The following FBXO9 variants were observed in gnomAD, a reference collection of about 807,000 sequenced individuals.
The protein encoded by FBXO9 is F-box protein 9.
A neutral mutation model predicts 63.7 loss-of-function variants in FBXO9; 43 were observed. The observed-to-expected ratio is 0.67, with a 90% CI of 0.53 to 0.87. FBXO9 has a LOEUF of 0.87. Ranked by LOEUF, FBXO9 falls within the 40% of genes least tolerant of loss-of-function variation. FBXO9 has a pLI of 0.00. For synonymous variants in FBXO9, 156 were observed against 171.7 expected (o/e 0.91, Z 0.72); for missense variants, 442 against 533.2 (o/e 0.83, Z 1.68).
intron 4 of FBXO9, among the ~76,000 whole-genome samples, chr6:53,076,745 A>G (rs943902853): frequency 6.6e-6 from 1 of 151,914 alleles, no homozygotes; most frequent in African/African-American, 2.4e-5. Flanking sequence ...ATGGTGTAAT[A>G]TTTACATATA....
At chr6:53,069,202 A>G (rs1267607249) in intron 1 of FBXO9, among the ~76,000 whole-genome samples, 1 of 152,222 alleles carries the variant, frequency 6.6e-6, no homozygotes, top group Non-Finnish European at 1.5e-5. Flanking sequence ...CCACCTAACA[A>G]TACATTTTAA....
At chr6:53,088,797 A>C (rs1250355883) in intron 7 of FBXO9, among the ~76,000 whole-genome samples, 9 of 151,834 alleles carry the variant, frequency 5.9e-5, no homozygotes, top group Non-Finnish European at 1.2e-4. Context: ...ACGGGGTTTC[A>C]CCATTTTGGC....
chr6:53,095,016 C>T (rs576006601), intron 11 of FBXO9, among the ~76,000 whole-genome samples: 1 of 152,248 alleles, frequency 6.6e-6, no homozygotes, highest in South Asian at 2.1e-4. Context: ...TCTAATGAAC[C>T]TTGTCACAGC....
In FBXO9 at chr6:53,065,754, G is replaced by C; in HGVS notation, c.-36G>C. 7.1e-7 allele frequency: 1 copy of C among 1,417,444 alleles called. No individual in the cohort carries two copies. 87.8% of individuals were successfully genotyped at this position (1,417,444 alleles called of 1,614,324 possible). On this transcript the variant is annotated 5_prime_UTR_variant, in exon 1 of 13. Coordinates refer to ENST00000323557, the MANE Select transcript of FBXO9 (RefSeq NM_033480.3). ...CGGGGGGCGGTGCAGAGGGGGCACG[G>C]AGAGCCCCTCGAGCGCAGCAGGCCG... is the stretch of plus-strand genomic sequence containing the variant.
At chr6:53,088,843 G>C (rs952316678) in intron 7 of FBXO9, among the ~76,000 whole-genome samples, 3 of 151,782 alleles carry the variant, frequency 2.0e-5, no homozygotes, top group Admixed American at 6.6e-5. Flanking sequence ...CAGGTGATCC[G>C]CCCACCTCAG....
chr6:53,076,299 T>A (rs892256342), intron 3 of FBXO9, among the ~76,000 whole-genome samples, 187 bp from the exon 4 acceptor site: 2 of 152,168 alleles, frequency 1.3e-5, no homozygotes, highest in Admixed American at 1.3e-4. Flanking sequence ...GTTTATGGAT[T>A]TTACATTTAA....
intron 1 of FBXO9, among the ~76,000 whole-genome samples, chr6:53,067,360 A>G (rs561932130): frequency 6.6e-6 from 1 of 152,308 alleles, no homozygotes; most frequent in East Asian, 1.9e-4. Context: ...GGATGCCTTA[A>G]ATCTAGTAAA....
At chr6:53,080,726 C>T (rs1037779982) in intron 5 of FBXO9, among the ~76,000 whole-genome samples, 3 of 152,176 alleles carry the variant, frequency 2.0e-5, no homozygotes, top group Non-Finnish European at 4.4e-5. Flanking sequence ...ATCTCAACAC[C>T]TGTATCCAAA....
intron 11 of FBXO9, chr6:53,094,713 G>A (rs1763155394): frequency 1.2e-5 from 5 of 421,922 alleles, no homozygotes; most frequent in Non-Finnish European, 2.4e-5. Flanking sequence ...TTTCATCTGC[G>A]AGTCCTATCA....
In FBXO9 at chr6:53,099,753, A is replaced by G. The variant is rs1763302721; in HGVS notation, c.*1923A>G. On this transcript the variant is annotated 3_prime_UTR_variant, in exon 13 of 13. Transcript: ENST00000323557. The stretch of plus-strand genomic sequence containing the variant: ...CGAGACCCTGTCTCAAAAAAGAAAA[A>G]AAAGAGAGGTTGGCCTTTTGTAGCA... The G allele has an allele frequency of 6.6e-6, 1 of 152,238 alleles. No homozygotes were observed. Among genetic ancestry groups the G allele is most frequent in the South Asian group, 2.1e-4 (1 of 4,824 alleles). 9.4% of individuals were successfully genotyped at this position (152,238 alleles called of 1,614,324 possible). A position where few individuals can be genotyped will look rare whatever the true frequency, so the allele number is the denominator to read the frequency against.
At chr6:53,092,186 G>A (rs1763058047) in intron 7 of FBXO9, 2 of 399,524 alleles carry the variant, frequency 5.0e-6, no homozygotes, top group African/African-American at 4.2e-5. Context: ...ATTTCTGTCT[G>A]CTGACTCTAC....
At chr6:53,067,774 G>C (rs1475913462) in intron 1 of FBXO9, 1 of 152,112 alleles carries the variant, frequency 6.6e-6, no homozygotes, top group Non-Finnish European at 1.5e-5. Context: ...CCTACTAATG[G>C]TGTTCTTAGT....
At chr6:53,095,395 C>A in intron 11 of FBXO9, 118 bp from the exon 12 acceptor site, 1 of 916,842 alleles carries the variant, frequency 1.1e-6, no homozygotes, top group Non-Finnish European at 1.6e-6. Flanking sequence ...ATAGTCAAAA[C>A]GACTCTTTAC....
At chr6:53,074,444 A>C (rs1481480049) in intron 3 of FBXO9, among the ~76,000 whole-genome samples, 1 of 152,216 alleles carries the variant, frequency 6.6e-6, no homozygotes, top group Non-Finnish European at 1.5e-5. Flanking sequence ...ACAATATCAA[A>C]AACGAGGAAA....
intron 12 of FBXO9, among the ~76,000 whole-genome samples, chr6:53,096,735 T>A (rs1407073017): frequency 6.6e-6 from 1 of 152,074 alleles, no homozygotes; most frequent in African/African-American, 2.4e-5. Context: ...GGTGACCCCA[T>A]CTCTACAAAA....
intron 5 of FBXO9, 114 bp from the exon 6 acceptor site, chr6:53,080,854 A>G (rs1769285157): frequency 9.1e-7 from 1 of 1,104,030 alleles, no homozygotes; most frequent in Non-Finnish European, 1.3e-6. Context: ...CACATGTTGA[A>G]TAAGCTTTAG....
intron 7 of FBXO9, among the ~76,000 whole-genome samples, chr6:53,087,982 GCT>G (rs1205553065): frequency 6.6e-6 from 1 of 152,116 alleles, no homozygotes; most frequent in Non-Finnish European, 1.5e-5. Context: ...TGGACTTTCT[GCT>G]CTGTTGTATA....
In FBXO9 at chr6:53,092,495, G is replaced by A. The variant is rs768780318; in HGVS notation, c.720G>A (p.Pro240=). The change falls in exon 8 of 13, where the codon CCG becomes CCA. Residue 240 remains proline (P), a synonymous_variant. Coordinates refer to ENST00000323557, the MANE Select transcript of FBXO9 (RefSeq NM_033480.3). The part of the protein sequence containing the change: ...VWGRSCIKLV[P]YTSWREMFLE... ...GCAGAAGCTGTATTAAACTTGTTCCGTACACGTCCTGGAGAGAGATGTTTT... is the reference window on the plus strand; with the variant it reads ...GCAGAAGCTGTATTAAACTTGTTCCATACACGTCCTGGAGAGAGATGTTTT... 68 of 1,613,760 alleles carry A rather than the reference G, an allele frequency of 4.2e-5. No homozygotes were observed. The Admixed American group carries it at 1.0e-3, about 24-fold the overall frequency.
rs780177217 is a variant in FBXO9 at position 53,065,769 on chromosome 6, G to T, written c.-21G>T. The T allele has an allele frequency of 2.9e-6, 4 of 1,393,372 alleles. No homozygotes were observed. The African/African-American group carries it at 4.5e-5, about 16-fold the overall frequency. 86.3% of individuals were successfully genotyped at this position (1,393,372 alleles called of 1,614,324 possible). On this transcript the variant is annotated 5_prime_UTR_variant, in exon 1 of 13. Coordinates refer to ENST00000323557, the MANE Select transcript of FBXO9 (RefSeq NM_033480.3). ...AGGGGGCACGGAGAGCCCCTCGAGC[G>T]CAGCAGGCCGCCCCGCCAGCATGGT... is the stretch of plus-strand genomic sequence containing the variant.
Sources: allele counts gnomAD v4.1 joint callset (sites outside exome capture counted in the v4.1 genomes callset), GRCh38; gene constraint gnomAD v4.1.1; transcripts MANE v1.5; gene names NCBI Gene and HGNC (gene_info 2026-07-23, HGNC 2026-07-21).